The following LRRTM4 variants were observed in gnomAD, a reference collection of about 807,000 sequenced individuals.
LRRTM4 encodes leucine-rich repeat transmembrane neuronal protein 4.
A neutral mutation model predicts 47.6 loss-of-function variants in LRRTM4; 25 were observed. The observed-to-expected ratio is 0.53, with a 90% CI of 0.38 to 0.73. The LOEUF is 0.73. Among genes scored for constraint, LRRTM4 ranks in the 30% least tolerant of loss-of-function variants. LRRTM4 has a pLI of 0.00. For synonymous variants in LRRTM4, 311 were observed against 269.5 expected, an observed-to-expected ratio of 1.15 and a Z score of -1.51; for missense variants, 638 against 713.4, an observed-to-expected ratio of 0.89 and a Z score of 1.20.
intron 3 of LRRTM4, among the ~76,000 whole-genome samples, chr2:77,457,000 G>GTA (rs1172255079): frequency 0.031 from 766 of 24,666 alleles, 22 homozygotes; most frequent in African/African-American, 0.11. Flanking sequence ...GTATGTGTGT[G>GTA]TGTGTATATA....
At chr2:77,070,095 T>A (rs1680101403) in intron 3 of LRRTM4, among the ~76,000 whole-genome samples, 1 of 152,140 alleles carries the variant, frequency 6.6e-6, no homozygotes, top group African/African-American at 2.4e-5. Context: ...GAATGAGCTA[T>A]CGCGTGCTTC....
intron 3 of LRRTM4, among the ~76,000 whole-genome samples, chr2:76,905,587 T>TA (rs1673802082): frequency 6.6e-6 from 1 of 151,248 alleles, no homozygotes; most frequent in Non-Finnish European, 1.5e-5. Flanking sequence ...GCAAAGAAGT[T>TA]AAAAACTTTG....
chr2:77,187,889 C>T (rs1378008921), intron 3 of LRRTM4, among the ~76,000 whole-genome samples: 1 of 151,832 alleles, frequency 6.6e-6, no homozygotes, highest in East Asian at 1.9e-4. Flanking sequence ...ATAATGGATA[C>T]TTCCTATGAA....
intron 3 of LRRTM4, among the ~76,000 whole-genome samples, chr2:76,859,534 AAGTCACTTT>A (rs1260153435): frequency 1.1e-4 from 16 of 152,186 alleles, no homozygotes; most frequent in African/African-American, 3.6e-4. Flanking sequence ...TTGAATTTAG[AAGTCACTTT>A]AATTCCTGTA....
intron 3 of LRRTM4, among the ~76,000 whole-genome samples, chr2:76,947,416 G>A (rs1675357664): frequency 6.6e-6 from 1 of 151,790 alleles, no homozygotes; most frequent in Admixed American, 6.6e-5. Flanking sequence ...AGGTTCTTAT[G>A]AGGAATAGTC....
intron 3 of LRRTM4, among the ~76,000 whole-genome samples, chr2:77,167,129 A>G (rs996858559): frequency 6.6e-6 from 1 of 152,198 alleles, no homozygotes; most frequent in African/African-American, 2.4e-5. Context: ...AACCCCATCA[A>G]CAAGTGGGCA....
chr2:77,207,097 T>A (rs1212768192), intron 3 of LRRTM4, among the ~76,000 whole-genome samples: 1 of 149,160 alleles, frequency 6.7e-6, no homozygotes, highest in African/African-American at 2.5e-5. Flanking sequence ...CTTTCTTTTG[T>A]TTGTAACCAA....
chr2:77,195,559 A>G (rs1204390160), intron 3 of LRRTM4, among the ~76,000 whole-genome samples: 1 of 152,118 alleles, frequency 6.6e-6, no homozygotes, highest in Non-Finnish European at 1.5e-5. Flanking sequence ...TCTGTATGCA[A>G]GTAAAGTTGT....
At chr2:77,249,826 T>C (rs1208708470) in intron 3 of LRRTM4, among the ~76,000 whole-genome samples, 1 of 152,226 alleles carries the variant, frequency 6.6e-6, no homozygotes, top group Non-Finnish European at 1.5e-5. Context: ...TTTGTATTCA[T>C]CCAAGGGTGT....
chr2:76,942,491 A>ATTT (rs59455803), intron 3 of LRRTM4, among the ~76,000 whole-genome samples: 5,600 of 142,530 alleles, frequency 0.039, 134 homozygotes, highest in African/African-American at 0.063. Context: ...CTGTGCTAAC[A>ATTT]TTTTTTTTTT....
intron 3 of LRRTM4, among the ~76,000 whole-genome samples, chr2:76,778,150 G>C (rs1360516707): frequency 1.4e-5 from 2 of 144,442 alleles, no homozygotes; most frequent in Non-Finnish European, 3.0e-5. Context: ...TGTGCTGCTG[G>C]ATTCGTTTTG....
At chr2:77,040,703 A>G (rs114497486) in intron 3 of LRRTM4, among the ~76,000 whole-genome samples, 289 of 151,568 alleles carry the variant, frequency 1.9e-3, no homozygotes, top group African/African-American at 6.8e-3. Flanking sequence ...AGCAAATGAA[A>G]AGAGATTTGG....
At chr2:76,971,335 A>T (rs971080792) in intron 3 of LRRTM4, among the ~76,000 whole-genome samples, 1 of 152,046 alleles carries the variant, frequency 6.6e-6, no homozygotes, top group African/African-American at 2.4e-5. Context: ...GGCAATTCTG[A>T]TGTACACTGA....
chr2:77,059,548 T>C (rs372622434), intron 3 of LRRTM4, among the ~76,000 whole-genome samples: 1 of 152,260 alleles, frequency 6.6e-6, no homozygotes, highest in East Asian at 1.9e-4. Flanking sequence ...GCATAATTTG[T>C]TTAGAATCAA....
chr2:77,067,684 C>CGT (rs1244647306), intron 3 of LRRTM4, among the ~76,000 whole-genome samples: 1 of 121,584 alleles, frequency 8.2e-6, no homozygotes, highest in Non-Finnish European at 1.7e-5. Context: ...TTCAAAGATA[C>CGT]GTACACACAC....
intron 3 of LRRTM4, among the ~76,000 whole-genome samples, chr2:77,175,494 C>T (rs1673170104): frequency 6.6e-6 from 1 of 152,066 alleles, no homozygotes; most frequent in Admixed American, 6.6e-5. Context: ...TCCTTGCTCT[C>T]CTAGGATTGA....
chr2:76,795,418 TTTACTGTCA>T (rs1453373537), intron 3 of LRRTM4, among the ~76,000 whole-genome samples: 2 of 128,114 alleles, frequency 1.6e-5, no homozygotes, highest in African/African-American at 5.7e-5. Context: ...GTAAAGATTT[TTTACTGTCA>T]TTATTTCCTA....
At chr2:76,883,109 G>T (rs1222655905) in intron 3 of LRRTM4, among the ~76,000 whole-genome samples, 4 of 152,038 alleles carry the variant, frequency 2.6e-5, no homozygotes, top group Non-Finnish European at 4.4e-5. Context: ...CCAGTGAGTG[G>T]CTATGTATCC....
chr2:77,263,926 T>C (rs1051406225), intron 3 of LRRTM4, among the ~76,000 whole-genome samples: 3 of 152,076 alleles, frequency 2.0e-5, no homozygotes, highest in African/African-American at 2.4e-5. Context: ...CTTTTCCTGA[T>C]GGTGTCTATA....
Sources: gnomAD v4.1 joint callset for allele counts (sites outside exome capture counted in the v4.1 genomes callset) on GRCh38, gnomAD v4.1.1 for gene constraint, MANE v1.5 for transcripts, NCBI Gene and HGNC (gene_info 2026-07-23, HGNC 2026-07-21) for gene names.